Variants in PDE6A observed in about 807,000 individuals in gnomAD.
PDE6A encodes rod cGMP-specific 3',5'-cyclic phosphodiesterase subunit alpha.
PDE6A carries 84 observed loss-of-function variants against 106.3 expected under a neutral mutation model. The observed-to-expected ratio is 0.79, with a 90% CI of 0.66 to 0.95. The LOEUF (loss-of-function observed/expected upper bound fraction) is 0.95, where lower values mean the gene tolerates loss of function less well. Ranked by LOEUF, PDE6A falls within the 40% of genes least tolerant of loss-of-function variation. The probability of loss-of-function intolerance (pLI) is 0.00; values close to 1 mark genes in which losing one functional copy is unlikely to be tolerated. For synonymous variants in PDE6A, 394 were observed against 386.6 expected, an observed-to-expected ratio of 1.02 and a Z score of -0.23; for missense variants, 1,052 against 1,084.9, an observed-to-expected ratio of 0.97 and a Z score of 0.43.
Position 149,929,373 on chromosome 5 carries a change from G to A in PDE6A, c.858+1655C>T, listed in dbSNP as rs550193635. On this transcript the variant is annotated intron_variant, in intron 4 of 21. Coordinates refer to ENST00000255266, the MANE Select transcript of PDE6A (RefSeq NM_000440.3). ...TGTAATCCCAGCACTTTGGGAGGCC[G>A]AGGCAGGCGGATCACGAGGTCGGGA... Among the ~76,000 whole-genome samples the A allele has an allele frequency of 1.3e-3, 199 of 152,238 alleles. 1 individual carries two copies. The highest frequency in any genetic ancestry group is 4.1e-3 in the African/African-American group (172 of 41,548).
At position 149,921,688 on chromosome 5, in the gene PDE6A, C is replaced by A. The variant is rs980364042; in HGVS notation, c.880G>T (p.Val294Phe). The change falls in exon 5 of 22, where the codon GTT (valine) becomes TTT (phenylalanine). Residue 294 changes from valine to phenylalanine, a missense_variant. Around this residue, in one of 3 missense-constraint regions of PDE6A, gnomAD observed 913 missense variants for 915.2 expected, o/e 1.00. Coordinates refer to ENST00000255266, the MANE Select transcript of PDE6A (RefSeq NM_000440.3). Reference protein sequence around the residue: ...KQKEFFDVWPVLMGEVPPYSG... With the variant: ...KQKEFFDVWPFLMGEVPPYSG... ...TAAGGTGGAACTTCACCCATCAGAACCGGCCACACATCAAAAAATTCCTAG... is the reference window on the plus strand; with the variant it reads ...TAAGGTGGAACTTCACCCATCAGAAACGGCCACACATCAAAAAATTCCTAG... 5 of 1,613,652 alleles carry A rather than the reference C, an allele frequency of 3.1e-6. No individual in the cohort carries two copies. The Admixed American group carries it at 8.3e-5, about 27-fold the overall frequency.
chr5:149,884,199 A>ATAT lies in PDE6A; in HGVS notation c.2027+279_2027+280insATA, dbSNP rs1292414362. 5.9e-4 allele frequency among the ~76,000 whole-genome samples: 84 copies of ATAT among 142,340 alleles called. 2 individuals are homozygous for ATAT. The highest frequency in any genetic ancestry group is 1.1e-3 in the African/African-American group (44 of 38,426). The allele number at this position is 142,340 out of a possible 152,430, so 93.4% of individuals were successfully genotyped here. ...CCTGTCTCAAAAAAGAAAAAAAAAAAATATATATATATATATACACACACA... is the reference window on the plus strand; with the variant it reads ...CCTGTCTCAAAAAAGAAAAAAAAAAATATATATATATATATATATACACACACA... On this transcript the variant is annotated intron_variant, in intron 16 of 21. Coordinates refer to ENST00000255266, the MANE Select transcript of PDE6A (RefSeq NM_000440.3).
chr5:149,884,447 C>T (rs537096851), intron 16 of PDE6A, 32 bp downstream of exon 16: 1 of 1,367,782 alleles, frequency 7.3e-7, no homozygotes, highest in African/African-American at 1.4e-5. Context: ...ATCATTGTTG[C>T]TTTTACTATT....
At chr5:149,864,812 G>A (rs937477233) in intron 20 of PDE6A, among the ~76,000 whole-genome samples, 1 of 152,140 alleles carries the variant, frequency 6.6e-6, no homozygotes, top group African/African-American at 2.4e-5. Context: ...GATCTTGGGC[G>A]GGTCACTACC....
chr5:149,927,981 G>A (rs374071019), intron 4 of PDE6A, among the ~76,000 whole-genome samples: 2 of 151,384 alleles, frequency 1.3e-5, no homozygotes, highest in African/African-American at 2.4e-5. Context: ...GCAAAAACAC[G>A]CATGGAGCTC....
At chr5:149,871,146 T>G (rs1760534016) in intron 17 of PDE6A, among the ~76,000 whole-genome samples, 1 of 152,126 alleles carries the variant, frequency 6.6e-6, no homozygotes, top group Admixed American at 6.5e-5. Context: ...AGACAGGGTC[T>G]TTGTGGGGTG....
intron 3 of PDE6A, chr5:149,932,737 G>A (rs1346669435): frequency 3.8e-6 from 5 of 1,315,434 alleles, no homozygotes; most frequent in South Asian, 2.4e-5. Flanking sequence ...CTTGCTGTTT[G>A]GCACTGTCGG....
At position 149,898,500 on chromosome 5, in the gene PDE6A, T is replaced by C. The variant is rs113885695; in HGVS notation, c.1270A>G (p.Thr424Ala). 4 of 1,613,192 alleles carry C rather than the reference T, an allele frequency of 2.5e-6. No homozygotes were observed. The highest frequency in any genetic ancestry group is 2.2e-5 in the East Asian group (1 of 44,878). The stretch of plus-strand genomic sequence containing the variant: ...AAGACAGACCAGCCCAGAAATTGAG[T>C]CAAAGACTGAAAAAGAAAGAAAGGA... ...EMDETLMESL[T>A]QFLGWSVLNP... Residue 424 changes from threonine (T) to alanine (A), a missense_variant, in exon 10 of 22, where the codon ACT (threonine) becomes GCT (alanine). Physicochemically the swap from Thr to Ala is moderately conservative, Grantham distance 58. This residue lies in a region of PDE6A where 913 missense variants were observed against 915.2 expected (regional missense o/e 1.00). Coordinates refer to ENST00000255266, the MANE Select transcript of PDE6A (RefSeq NM_000440.3).
At chr5:149,878,451 TTGTG>T (rs1197167271) in intron 17 of PDE6A, among the ~76,000 whole-genome samples, 1 of 152,224 alleles carries the variant, frequency 6.6e-6, no homozygotes, top group Non-Finnish European at 1.5e-5. Flanking sequence ...TCAATCCTGT[TTGTG>T]TTACAGACAA....
intron 13 of PDE6A, among the ~76,000 whole-genome samples, chr5:149,890,875 A>G (rs1752518857): frequency 6.6e-6 from 1 of 152,248 alleles, no homozygotes; most frequent in Non-Finnish European, 1.5e-5. Flanking sequence ...TAAGTCAGCC[A>G]GTACTGAAAT....
rs745342121 is a variant in PDE6A at position 149,944,112 on chromosome 5, T to C, written c.474+88A>G. ...GCACCATGTTGTCACCAGCCTTGTC[T>C]TGGTGGCCAATGCCCCTCACCCCAC... On this transcript the variant is annotated intron_variant, in intron 1 of 21. Transcript: ENST00000255266. 406 of 920,476 alleles carry C rather than the reference T, an allele frequency of 4.4e-4. No individual in the cohort carries two copies. The Middle Eastern group carries it at 5.6e-3, about 13-fold the overall frequency. The allele number at this position is 920,476 out of a possible 1,614,324, so 57.0% of individuals were successfully genotyped here. A position where few individuals can be genotyped will look rare whatever the true frequency, so the allele number is the denominator to read the frequency against.
intron 4 of PDE6A, among the ~76,000 whole-genome samples, chr5:149,929,099 T>C (rs1753950816): frequency 6.6e-6 from 1 of 152,310 alleles, no homozygotes; most frequent in Middle Eastern, 3.4e-3. Context: ...GCTAATACTC[T>C]GAAATTCTAC....
Position 149,899,430 on chromosome 5 carries a change from A to T in PDE6A, c.1208T>A (p.Phe403Tyr). The T allele has an allele frequency of 6.2e-7, 1 of 1,614,102 alleles. No homozygotes were observed. The highest frequency in any genetic ancestry group is 8.5e-7 in the Non-Finnish European group (1 of 1,179,982). Residue 403 changes from phenylalanine (F) to tyrosine (Y), a missense_variant, in exon 9 of 22, where the codon TTT becomes TAT. This residue lies in a region of PDE6A where 913 missense variants were observed against 915.2 expected (regional missense o/e 1.00). Coordinates refer to ENST00000255266, the MANE Select transcript of PDE6A (RefSeq NM_000440.3). The part of the protein sequence containing the change: ...KKEEIVGVAT[F>Y]YNRKDGKPFD... ...GGGCTTCCCATCTTTACGATTGTAA[A>T]ATGTGGCCACTCCAACAATTTCTTC...
chr5:149,901,318 C>T (rs978965229), intron 8 of PDE6A, among the ~76,000 whole-genome samples: 3 of 152,094 alleles, frequency 2.0e-5, no homozygotes, highest in African/African-American at 7.2e-5. Flanking sequence ...CACCTGAGGT[C>T]GGGAGTTCAA....
Position 149,863,556 on chromosome 5 carries a change from C to T in PDE6A, c.2359-290G>A, listed in dbSNP as rs111436437. On this transcript the variant is annotated intron_variant, in intron 20 of 21. Transcript: ENST00000255266. The surrounding 1 kb of genome is among the most constrained non-coding windows in gnomAD (Gnocchi z 4.7). Reference sequence around the variant, plus strand: ...CTGCCCTTGACCATCTTGCATTCTCCAAGCAATCCAAATCTCTTAGTTCCT... The same window carrying T: ...CTGCCCTTGACCATCTTGCATTCTCTAAGCAATCCAAATCTCTTAGTTCCT... Among the ~76,000 whole-genome samples, 253 of 152,334 alleles carry T rather than the reference C, an allele frequency of 1.7e-3. 3 individuals carry two copies. The highest frequency in any genetic ancestry group is 5.8e-3 in the African/African-American group (241 of 41,580).
intron 6 of PDE6A, among the ~76,000 whole-genome samples, chr5:149,909,955 G>T (rs1221387579): frequency 6.6e-6 from 1 of 151,998 alleles, no homozygotes; most frequent in African/African-American, 2.4e-5. Flanking sequence ...TTCATTAATT[G>T]GATTATTCAA....
chr5:149,927,349 T>C (rs1354430898), intron 4 of PDE6A, among the ~76,000 whole-genome samples: 1 of 152,198 alleles, frequency 6.6e-6, no homozygotes, highest in Non-Finnish European at 1.5e-5. Flanking sequence ...CTATAGACTT[T>C]ATAAACACTG....
intron 17 of PDE6A, among the ~76,000 whole-genome samples, chr5:149,874,607 G>T (rs1330635459): frequency 1.3e-5 from 2 of 152,032 alleles, no homozygotes; most frequent in Admixed American, 6.6e-5. Flanking sequence ...TTATCCACTG[G>T]CAATTAACTC....
intron 17 of PDE6A, among the ~76,000 whole-genome samples, chr5:149,880,918 C>T (rs1760897889): frequency 1.3e-5 from 2 of 152,054 alleles, no homozygotes; most frequent in South Asian, 4.2e-4. Context: ...AAAAATTTAG[C>T]TGGGAATGGT....
Sources: allele counts gnomAD v4.1 joint callset (sites outside exome capture counted in the v4.1 genomes callset), GRCh38; gene constraint gnomAD v4.1.1; regional missense constraint gnomAD v4.1.1; non-coding constraint Gnocchi (gnomAD v3.1); transcripts MANE v1.5; gene names NCBI Gene and HGNC (gene_info 2026-07-23, HGNC 2026-07-21).